The following CHURC1 variants were observed in gnomAD, a reference collection of about 807,000 sequenced individuals.
CHURC1 encodes protein Churchill.
Under a neutral mutation model 15.4 loss-of-function variants are expected in CHURC1, and 12 were observed. The observed-to-expected ratio is 0.78, with a 90% CI of 0.50 to 1.27. The LOEUF (loss-of-function observed/expected upper bound fraction) is 1.27. Among genes scored for constraint, CHURC1 ranks in the 50% most tolerant of loss-of-function variants. The pLI is 0.00. For synonymous variants in CHURC1, 42 were observed against 47.5 expected (o/e 0.88, Z 0.48); for missense variants, 132 against 137.8 (o/e 0.96, Z 0.21).
intron 1 of CHURC1, among the ~76,000 whole-genome samples, chr14:64,922,939 G>A (rs984192446): frequency 2.0e-5 from 3 of 152,130 alleles, no homozygotes; most frequent in African/African-American, 7.2e-5. Context: ...CTCCTTGAAG[G>A]TAGCAACATG....
intron 3 of CHURC1, among the ~76,000 whole-genome samples, chr14:64,929,948 C>CCA (rs56699499): frequency 8.3e-6 from 1 of 120,298 alleles, no homozygotes; most frequent in Non-Finnish European, 1.7e-5. Flanking sequence ...AGCCCCCCCC[C>CCA]ACACACACAC....
Position 64,934,383 on chromosome 14 carries a change from GAAGTT to G in CHURC1, c.*2156_*2160del. On this transcript the variant is annotated 3_prime_UTR_variant, in exon 4 of 4. Transcript: ENST00000549115. Reference sequence around the variant, plus strand: ...ACAAAACAAAACAACAACAAAAAAAGAAGTTAAATAACTTGTTTAAGATCACACAG... The same window carrying G: ...ACAAAACAAAACAACAACAAAAAAAGAAATAACTTGTTTAAGATCACACAG... The G allele has an allele frequency of 3.1e-6, 3 of 952,648 alleles. No individual in the cohort carries two copies. The highest frequency in any genetic ancestry group is 3.7e-6 in the Non-Finnish European group (3 of 800,220). The allele number at this position is 952,648 out of a possible 1,614,324, so 59.0% of individuals were successfully genotyped here. A position where few individuals can be genotyped will look rare whatever the true frequency, so the allele number is the denominator to read the frequency against.
chr14:64,923,647 A>C (rs1884475839), intron 1 of CHURC1, among the ~76,000 whole-genome samples: 1 of 152,076 alleles, frequency 6.6e-6, no homozygotes, highest in South Asian at 2.1e-4. Context: ...TGGTTATTAA[A>C]TTTTTCTAAT....
At chr14:64,925,401 G>T (rs565800018) in intron 2 of CHURC1, among the ~76,000 whole-genome samples, 1 of 152,004 alleles carries the variant, frequency 6.6e-6, no homozygotes. Context: ...GGATGGGTGC[G>T]GTGGCTCACG....
Position 64,932,978 on chromosome 14 carries a change from G to GT in CHURC1, c.*750dup, listed in dbSNP as rs1316184463. 6.6e-6 allele frequency: 1 copy of GT among 152,210 alleles called. No individual in the cohort carries two copies. Among genetic ancestry groups the GT allele is most frequent in the African/African-American group, 2.4e-5 (1 of 41,432 alleles). The allele number at this position is 152,210 out of a possible 1,614,324, so 9.4% of individuals were successfully genotyped here. On this transcript the variant is annotated 3_prime_UTR_variant, in exon 4 of 4. Transcript: ENST00000549115. The stretch of plus-strand genomic sequence containing the variant: ...ACACCAGCTCAGCCAGGTGATTGAG[G>GT]TTAACATCATCCATGATAAGCCCTT...
chr14:64,921,790 A>G (rs1296514566), intron 1 of CHURC1, among the ~76,000 whole-genome samples: 1 of 152,204 alleles, frequency 6.6e-6, no homozygotes, highest in Non-Finnish European at 1.5e-5. Context: ...ACTTCTACAT[A>G]TTTACCCAAG....
intron 1 of CHURC1, among the ~76,000 whole-genome samples, chr14:64,920,760 A>G (rs1178789298): frequency 6.6e-6 from 1 of 152,170 alleles, no homozygotes; most frequent in Non-Finnish European, 1.5e-5. Context: ...TGGCATTTAG[A>G]TCTTTTTAAA....
intron 1 of CHURC1, among the ~76,000 whole-genome samples, chr14:64,915,322 T>C (rs1169029650): frequency 6.6e-6 from 1 of 152,178 alleles, no homozygotes; most frequent in Admixed American, 6.5e-5. Context: ...AGAGAAGAAA[T>C]TAAAAGGCAC....
chr14:64,916,357 GTT>G (rs34991367), intron 1 of CHURC1, among the ~76,000 whole-genome samples: 1 of 152,068 alleles, frequency 6.6e-6, no homozygotes, highest in Non-Finnish European at 1.5e-5. Flanking sequence ...TGCAAGCAGT[GTT>G]TTATTTCTTG....
chr14:64,933,408 TA>T lies in CHURC1; in HGVS notation c.*1179del. The stretch of plus-strand genomic sequence containing the variant: ...GCTTTAAAGGGATTTTAGAATATCT[TA>T]CTTTGCATAGTTTCATGAGCACTGG... On this transcript the variant is annotated 3_prime_UTR_variant, in exon 4 of 4. Transcript: ENST00000549115. 1.0e-6 allele frequency: 1 copy of T among 985,486 alleles called. No individual in the cohort carries two copies. The highest frequency in any genetic ancestry group is 1.2e-6 in the Non-Finnish European group (1 of 829,950). The allele number at this position is 985,486 out of a possible 1,614,324, so 61.0% of individuals were successfully genotyped here.
chr14:64,926,175 G>T, intron 3 of CHURC1, 95 bp downstream of exon 3: 18 of 659,316 alleles, frequency 2.7e-5, no homozygotes, highest in Non-Finnish European at 3.6e-5. Flanking sequence ...CATAAGTGAA[G>T]TGCAAAGCGT....
Position 64,918,655 on chromosome 14 carries a change from C to G in CHURC1, c.39+4121C>G, listed in dbSNP as rs567651333. On this transcript the variant is annotated intron_variant, in intron 1 of 3. Transcript: ENST00000549115. ...CCAGCCTGGGCTACATAGTGAGACC[C>G]CATCCTTATTAAAAATTAAAAAACA... Among the ~76,000 whole-genome samples, 4 of 152,160 alleles carry G rather than the reference C, an allele frequency of 2.6e-5. No homozygotes were observed. The East Asian group carries it at 5.8e-4, about 22-fold the overall frequency.
chr14:64,921,551 C>A (rs919911963), intron 1 of CHURC1, among the ~76,000 whole-genome samples: 2 of 152,032 alleles, frequency 1.3e-5, no homozygotes, highest in African/African-American at 2.4e-5. Context: ...GAATAAGCAC[C>A]ATGAAAAGAT....
chr14:64,920,275 G>C (rs894573968), intron 1 of CHURC1, among the ~76,000 whole-genome samples: 1 of 152,110 alleles, frequency 6.6e-6, no homozygotes. Flanking sequence ...ATCTGAATCA[G>C]ATTTTCTAAG....
intron 3 of CHURC1, chr14:64,931,017 G>T: frequency 3.0e-6 from 1 of 335,964 alleles, no homozygotes; most frequent in East Asian, 8.5e-5. Context: ...GTTTACCTCT[G>T]TGGCCCTCTC....
intron 3 of CHURC1, among the ~76,000 whole-genome samples, chr14:64,931,388 G>A (rs1885067129): frequency 6.6e-6 from 1 of 152,074 alleles, no homozygotes; most frequent in Non-Finnish European, 1.5e-5. Context: ...TTAAAAATTA[G>A]CCAGGCGTGA....
Position 64,926,025 on chromosome 14 carries a change from G to T in CHURC1, c.191G>T (p.Cys64Phe). The change falls in exon 3 of 4, where the codon TGT (cysteine) becomes TTT (phenylalanine). Residue 64 changes from cysteine to phenylalanine, a missense_variant. Physicochemically the swap from Cys to Phe is radical, Grantham distance 205. Transcript: ENST00000549115. The part of the protein sequence containing the change: ...IVTYDHLCKN[C>F]HHVIARHEYT... ...GTTTTAGCAGATTTGTGTAAGAATT[G>T]TCATCATGTAATAGCCAGACATGAG... 1.3e-6 allele frequency: 2 copies of T among 1,597,656 alleles called. No homozygotes were observed. The highest frequency in any genetic ancestry group is 1.7e-6 in the Non-Finnish European group (2 of 1,173,226).
chr14:64,924,656 CT>C (rs1392802589), intron 2 of CHURC1, among the ~76,000 whole-genome samples: 1 of 151,990 alleles, frequency 6.6e-6, no homozygotes, highest in Non-Finnish European at 1.5e-5. Flanking sequence ...TTGTTCCTTA[CT>C]TTTGCTGCTA....
chr14:64,924,152 G>T, intron 2 of CHURC1, 26 bp downstream of exon 2: 1 of 1,586,066 alleles, frequency 6.3e-7, no homozygotes, highest in South Asian at 1.2e-5. Context: ...TTTTTAACCT[G>T]AGTGTGTTAG....
Sources: allele counts gnomAD v4.1 joint callset (sites outside exome capture counted in the v4.1 genomes callset), GRCh38; gene constraint gnomAD v4.1.1; transcripts MANE v1.5; gene names NCBI Gene and HGNC (gene_info 2026-07-23, HGNC 2026-07-21).